The following MB21D2 variants were observed in gnomAD, a reference collection of about 807,000 sequenced individuals.
MB21D2 encodes the protein Mab-21 domain containing 2, also known as nucleotidyltransferase MB21D2.
In MB21D2, 9 loss-of-function variants were observed where a neutral mutation model predicts 33.3. That is an observed-to-expected ratio of 0.27 (90% confidence interval 0.16 to 0.47). The LOEUF is 0.47. Ranked by LOEUF, MB21D2 falls within the 20% of genes least tolerant of loss-of-function variation. The pLI, the probability that MB21D2 is intolerant of heterozygous loss-of-function variation, is 0.99. For synonymous variants in MB21D2, 241 were observed against 236.3 expected, an observed-to-expected ratio of 1.02 and a Z score of -0.18; for missense variants, 540 against 624.6, an observed-to-expected ratio of 0.86 and a Z score of 1.44.
At chr3:192,824,510 A>C (rs951867623) in intron 1 of MB21D2, among the ~76,000 whole-genome samples, 5 of 151,528 alleles carry the variant, frequency 3.3e-5, no homozygotes, top group Admixed American at 6.6e-5. Flanking sequence ...TAAATAAATA[A>C]ATAAATAAAT....
At chr3:192,871,494 A>G (rs1013591907) in intron 1 of MB21D2, among the ~76,000 whole-genome samples, 4 of 152,208 alleles carry the variant, frequency 2.6e-5, no homozygotes, top group African/African-American at 9.6e-5. Flanking sequence ...TATGTTCTAT[A>G]AAGAAGAGCT....
At chr3:192,801,090 T>C (rs957619375) in intron 1 of MB21D2, among the ~76,000 whole-genome samples, 1 of 152,124 alleles carries the variant, frequency 6.6e-6, no homozygotes, top group Admixed American at 6.5e-5. Flanking sequence ...GTGCATGCAG[T>C]AGGAACATAA....
Position 192,872,562 on chromosome 3 carries a change from C to T in MB21D2, c.211+45068G>A, listed in dbSNP as rs183760201. Among the ~76,000 whole-genome samples, 355 of 133,606 alleles carry T rather than the reference C, an allele frequency of 2.7e-3. 4 individuals are homozygous for T. The highest frequency in any genetic ancestry group is 0.017 in the Admixed American group (236 of 13,526). The allele number at this position is 133,606 out of a possible 152,430, so 87.7% of individuals were successfully genotyped here. Reference sequence around the variant, plus strand: ...CTGCACTCCAGCCTGGGCCACAGAGCGAGACTCCGTCTCAAAAAAAAAAAA... The same window carrying T: ...CTGCACTCCAGCCTGGGCCACAGAGTGAGACTCCGTCTCAAAAAAAAAAAA... On this transcript the variant is annotated intron_variant, in intron 1 of 1. Coordinates refer to ENST00000392452, the MANE Select transcript of MB21D2 (RefSeq NM_178496.4).
intron 1 of MB21D2, among the ~76,000 whole-genome samples, chr3:192,827,783 C>T (rs1712209433): frequency 6.6e-6 from 1 of 152,144 alleles, no homozygotes. Context: ...CCGCTCCCCA[C>T]CATAAAAGTT....
At chr3:192,914,752 G>C (rs1417090181) in intron 1 of MB21D2, among the ~76,000 whole-genome samples, 1 of 151,956 alleles carries the variant, frequency 6.6e-6, no homozygotes, top group Non-Finnish European at 1.5e-5. Flanking sequence ...AGAGCATCAG[G>C]ACAGACCCCA....
At chr3:192,819,990 G>A (rs948157885) in intron 1 of MB21D2, among the ~76,000 whole-genome samples, 22 of 152,140 alleles carry the variant, frequency 1.4e-4, no homozygotes, top group African/African-American at 5.3e-4. Flanking sequence ...AGGGGAATCA[G>A]CTCCTCTCCC....
At chr3:192,812,981 G>A (rs1427943202) in intron 1 of MB21D2, among the ~76,000 whole-genome samples, 1 of 152,162 alleles carries the variant, frequency 6.6e-6, no homozygotes, top group African/African-American at 2.4e-5. Flanking sequence ...TTCTAGCTGG[G>A]CTTGGACGTC....
chr3:192,879,653 G>A (rs1713517919), intron 1 of MB21D2, among the ~76,000 whole-genome samples: 1 of 152,196 alleles, frequency 6.6e-6, no homozygotes, highest in Non-Finnish European at 1.5e-5. Flanking sequence ...GGTATCCGTT[G>A]GAGGCCAAAG....
At chr3:192,870,461 TG>T (rs1251378161) in intron 1 of MB21D2, among the ~76,000 whole-genome samples, 1 of 151,120 alleles carries the variant, frequency 6.6e-6, no homozygotes, top group East Asian at 2.0e-4. Flanking sequence ...GAGGCCGAGG[TG>T]GGTGGATCGC....
chr3:192,891,777 A>C (rs1713858028), intron 1 of MB21D2, among the ~76,000 whole-genome samples: 1 of 152,162 alleles, frequency 6.6e-6, no homozygotes, highest in Admixed American at 6.5e-5. Context: ...GTCGGCACAG[A>C]CCAAGCTTCA....
intron 1 of MB21D2, among the ~76,000 whole-genome samples, chr3:192,824,385 TGA>T (rs1686930803): frequency 6.6e-6 from 1 of 152,028 alleles, no homozygotes; most frequent in South Asian, 2.1e-4. Context: ...TGATGGATTA[TGA>T]GAGGAAGCTT....
Position 192,799,349 on chromosome 3 carries a change from G to A in MB21D2, c.513C>T (p.Ile171=). The A allele has an allele frequency of 6.2e-7, 1 of 1,614,216 alleles. No individual in the cohort carries two copies. Among genetic ancestry groups the A allele is most frequent in the Non-Finnish European group, 8.5e-7 (1 of 1,180,050 alleles). Residue 171 remains isoleucine, a synonymous_variant, in exon 2 of 2, where the codon ATC becomes ATT. Coordinates refer to ENST00000392452, the MANE Select transcript of MB21D2 (RefSeq NM_178496.4). This position sits in a 1 kb window ranked among gnomAD's most constrained non-coding sequence, Gnocchi z 4.1. ...WKDCCTIVDH[I]NGATNYFFSP... ...AGAAGAAGTAGTTGGTGGCACCATT[G>A]ATGTGATCTACAATGGTGCAGCAGT...
intron 1 of MB21D2, among the ~76,000 whole-genome samples, chr3:192,892,938 G>A (rs777330752): frequency 6.6e-6 from 1 of 152,078 alleles, no homozygotes; most frequent in Admixed American, 6.6e-5. Flanking sequence ...TTAGAACCTT[G>A]GCAAATGAGC....
chr3:192,842,455 A>T (rs1398861715), intron 1 of MB21D2, among the ~76,000 whole-genome samples: 1 of 152,258 alleles, frequency 6.6e-6, no homozygotes, highest in Non-Finnish European at 1.5e-5. Flanking sequence ...CACAAAATTA[A>T]TGCCATAAAT....
At chr3:192,818,974 C>A (rs557701456) in intron 1 of MB21D2, among the ~76,000 whole-genome samples, 1 of 133,612 alleles carries the variant, frequency 7.5e-6, no homozygotes, top group African/African-American at 3.2e-5. Context: ...AACTGAATAT[C>A]CGAGAGGCAG....
intron 1 of MB21D2, among the ~76,000 whole-genome samples, chr3:192,838,456 T>C (rs1712493232): frequency 7.0e-6 from 1 of 142,060 alleles, no homozygotes; most frequent in Admixed American, 7.4e-5. Flanking sequence ...TGAGATGGAG[T>C]CTCGCTCTGT....
chr3:192,838,849 C>A (rs941466483), intron 1 of MB21D2, among the ~76,000 whole-genome samples: 1 of 152,122 alleles, frequency 6.6e-6, no homozygotes, highest in Non-Finnish European at 1.5e-5. Context: ...AATCTTGGAG[C>A]AGGGATAGAA....
intron 1 of MB21D2, among the ~76,000 whole-genome samples, chr3:192,882,514 T>C (rs1410880392): frequency 6.6e-6 from 1 of 152,188 alleles, no homozygotes; most frequent in East Asian, 1.9e-4. Context: ...AATGCCATAC[T>C]GGTGTACTGT....
At chr3:192,801,126 GA>G (rs911038872) in intron 1 of MB21D2, among the ~76,000 whole-genome samples, 11 of 152,120 alleles carry the variant, frequency 7.2e-5, no homozygotes, top group Middle Eastern at 3.4e-3. Flanking sequence ...AATGATAAGG[GA>G]AAAAATGCAT....
Sources: gnomAD v4.1 joint callset for allele counts (sites outside exome capture counted in the v4.1 genomes callset) on GRCh38, gnomAD v4.1.1 for gene constraint, Gnocchi (gnomAD v3.1) non-coding constraint, MANE v1.5 for transcripts, NCBI Gene and HGNC (gene_info 2026-07-23, HGNC 2026-07-21) for gene names.